Variants in BANK1 observed in about 807,000 individuals in gnomAD.
The protein encoded by BANK1 is B-cell scaffold protein with ankyrin repeats.
Under a neutral mutation model 94.5 loss-of-function variants are expected in BANK1, and 95 were observed. That is an observed-to-expected ratio of 1.00 (90% CI 0.85 to 1.19). BANK1 has a LOEUF of 1.19. Among genes scored for constraint, BANK1 ranks in the 50% most tolerant of loss-of-function variants. BANK1 has a pLI of 0.00. For synonymous variants in BANK1, 334 were observed against 308.4 expected, an observed-to-expected ratio of 1.08 and a Z score of -0.87; for missense variants, 987 against 932.2, an observed-to-expected ratio of 1.06 and a Z score of -0.77.
intron 10 of BANK1, among the ~76,000 whole-genome samples, chr4:102,031,167 G>A (rs6843486): frequency 0.02 from 3,030 of 152,214 alleles, 115 homozygotes; most frequent in African/African-American, 0.069. Flanking sequence ...CTGTGGTTTC[G>A]ATTTGCATTT....
intron 6 of BANK1, among the ~76,000 whole-genome samples, chr4:101,903,795 C>A (rs1722357493): frequency 6.6e-6 from 1 of 152,176 alleles, no homozygotes; most frequent in Non-Finnish European, 1.5e-5. Context: ...CGTATGGTTA[C>A]TTTCTGTGGC....
At chr4:101,825,759 G>T (rs111397552) in intron 1 of BANK1, among the ~76,000 whole-genome samples, 1 of 152,012 alleles carries the variant, frequency 6.6e-6, no homozygotes, top group Non-Finnish European at 1.5e-5. Flanking sequence ...CTGTAGAGAA[G>T]AAAGGAATGA....
rs536639629 is a variant in BANK1, at chr4:101,998,182, G to C, written c.1207-23332G>C. Among the ~76,000 whole-genome samples the C allele has an allele frequency of 3.7e-4, 57 of 152,230 alleles. No homozygotes were observed. The South Asian group carries it at 8.7e-3, about 23-fold the overall frequency. ...CCTTAATTTCGTTATTTACCCAGTAGTCATTCAGGAGCACATTGTTCCATT... is the reference window on the plus strand; with the variant it reads ...CCTTAATTTCGTTATTTACCCAGTACTCATTCAGGAGCACATTGTTCCATT... On this transcript the variant is annotated intron_variant, in intron 7 of 16. Coordinates refer to ENST00000322953, the MANE Select transcript of BANK1 (RefSeq NM_017935.5).
At chr4:101,825,142 CT>C (rs1726314906) in intron 1 of BANK1, among the ~76,000 whole-genome samples, 1 of 152,164 alleles carries the variant, frequency 6.6e-6, no homozygotes, top group South Asian at 2.1e-4. Context: ...ATTTGCAGAT[CT>C]TGATTCCATC....
At chr4:101,817,946 C>T (rs1197201994) in intron 1 of BANK1, among the ~76,000 whole-genome samples, 1 of 151,938 alleles carries the variant, frequency 6.6e-6, no homozygotes, top group Non-Finnish European at 1.5e-5. Context: ...ATTGGATACC[C>T]CTGCTATACC....
At chr4:101,967,020 A>G (rs1724789587) in intron 7 of BANK1, among the ~76,000 whole-genome samples, 1 of 152,116 alleles carries the variant, frequency 6.6e-6, no homozygotes, top group Non-Finnish European at 1.5e-5. Context: ...AGCATTCAAG[A>G]TAGTTTTACT....
intron 11 of BANK1, among the ~76,000 whole-genome samples, chr4:102,057,273 TCC>T (rs1728259528): frequency 6.6e-6 from 1 of 151,578 alleles, no homozygotes; most frequent in African/African-American, 2.4e-5. Context: ...TCTCTCTCTC[TCC>T]TGCTCTCTCT....
At chr4:102,032,699 A>G (rs562670453) in intron 10 of BANK1, among the ~76,000 whole-genome samples, 68 of 152,168 alleles carry the variant, frequency 4.5e-4, no homozygotes, top group African/African-American at 1.5e-3. Context: ...CCTGGCTAAC[A>G]TGATGAAACC....
chr4:101,792,977 C>G (rs555251036), intron 1 of BANK1, among the ~76,000 whole-genome samples: 1 of 152,080 alleles, frequency 6.6e-6, no homozygotes, highest in East Asian at 1.9e-4. Flanking sequence ...TGTTGTATTC[C>G]AAAACTAATG....
chr4:101,963,486 A>G (rs1264814310), intron 7 of BANK1, among the ~76,000 whole-genome samples: 1 of 152,096 alleles, frequency 6.6e-6, no homozygotes, highest in Non-Finnish European at 1.5e-5. Flanking sequence ...CTCTAGCAAC[A>G]TAGTTGTTTA....
intron 1 of BANK1, among the ~76,000 whole-genome samples, chr4:101,793,220 G>A (rs530175121): frequency 6.6e-6 from 1 of 152,280 alleles, no homozygotes; most frequent in African/African-American, 2.4e-5. Flanking sequence ...AACATGGTTT[G>A]TCTAGGTCTC....
At chr4:102,007,139 ATATATTT>A (rs1426495449) in intron 7 of BANK1, among the ~76,000 whole-genome samples, 44 of 14,348 alleles carry the variant, frequency 3.1e-3, no homozygotes, top group Middle Eastern at 0.045. Flanking sequence ...TATATAAAAA[ATATATTT>A]TATATATATA....
chr4:102,063,131 T>G lies in BANK1; in HGVS notation c.2205T>G (p.Asn735Lys). 1 of 1,612,042 alleles carries G rather than the reference T, an allele frequency of 6.2e-7. No homozygotes were observed. The highest frequency in any genetic ancestry group is 8.5e-7 in the Non-Finnish European group (1 of 1,178,494). Residue 735 changes from asparagine to lysine, a missense_variant, in exon 13 of 17, where the codon AAT becomes AAG. Physicochemically the swap from Asn to Lys is moderately conservative, Grantham distance 94. Coordinates refer to ENST00000322953, the MANE Select transcript of BANK1 (RefSeq NM_017935.5). ...TTGGGAAAAGGCCAGAAGAAGAAAATGTCTATAGTAAGTAAGATTCGCCTG... is the reference window on the plus strand; with the variant it reads ...TTGGGAAAAGGCCAGAAGAAGAAAAGGTCTATAGTAAGTAAGATTCGCCTG... The part of the protein sequence containing the change: ...CIIGKRPEEE[N>K]VYNKLTIVHH...
At chr4:101,832,298 C>T (rs948649412) in intron 2 of BANK1, among the ~76,000 whole-genome samples, 1 of 152,180 alleles carries the variant, frequency 6.6e-6, no homozygotes, top group African/African-American at 2.4e-5. Context: ...TTCCCAGGGA[C>T]ATGCTTTCTT....
chr4:101,900,332 G>A (rs1722235193), intron 6 of BANK1, among the ~76,000 whole-genome samples: 1 of 152,162 alleles, frequency 6.6e-6, no homozygotes, highest in African/African-American at 2.4e-5. Flanking sequence ...GAAAAATAAA[G>A]TGAGAAGATA....
At chr4:101,969,634 A>T (rs893988969) in intron 7 of BANK1, among the ~76,000 whole-genome samples, 1 of 152,122 alleles carries the variant, frequency 6.6e-6, no homozygotes, top group Non-Finnish European at 1.5e-5. Flanking sequence ...TGAATAAAAA[A>T]TGACCCTCTC....
chr4:101,955,395 C>T (rs1241765245), intron 7 of BANK1, among the ~76,000 whole-genome samples: 1 of 152,120 alleles, frequency 6.6e-6, no homozygotes, highest in Non-Finnish European at 1.5e-5. Flanking sequence ...GCTGACATAA[C>T]TTGATTTTCA....
chr4:101,908,224 C>T (rs978232024), intron 6 of BANK1, among the ~76,000 whole-genome samples: 38 of 152,130 alleles, frequency 2.5e-4, no homozygotes, highest in African/African-American at 5.1e-4. Context: ...ACCAATGGAA[C>T]GGAACAGAGC....
At chr4:101,823,236 A>T (rs1342395940) in intron 1 of BANK1, among the ~76,000 whole-genome samples, 8 of 152,236 alleles carry the variant, frequency 5.3e-5, no homozygotes, top group African/African-American at 1.2e-4. Context: ...CAACCATGAT[A>T]TCTATGACTT....
Sources: gnomAD v4.1 joint callset for allele counts (sites outside exome capture counted in the v4.1 genomes callset) on GRCh38, gnomAD v4.1.1 for gene constraint, MANE v1.5 for transcripts, NCBI Gene and HGNC (gene_info 2026-07-23, HGNC 2026-07-21) for gene names.